MDGA2: variants seen among roughly 807,000 people sequenced by gnomAD.
MDGA2 encodes the protein MAM domain containing glycosylphosphatidylinositol anchor 2, also known as MAM domain-containing glycosylphosphatidylinositol anchor protein 2.
In MDGA2, 40 loss-of-function variants were observed where a neutral mutation model predicts 117.8. The ratio of observed to expected loss-of-function variants is 0.34; its 90% CI spans 0.26 to 0.44. MDGA2 has a LOEUF of 0.44. MDGA2 is among the 20% of genes least tolerant of loss of function. The pLI, the probability that MDGA2 is intolerant of heterozygous loss-of-function variation, is 1.00. For missense variants in MDGA2, 1,123 were observed against 1,250.6 expected (o/e 0.90, Z 1.54); for synonymous variants, 452 against 439.0 (o/e 1.03, Z -0.37).
At chr14:47,295,935 TAGA>T (rs573405631) in intron 2 of MDGA2, among the ~76,000 whole-genome samples, 1 of 55,438 alleles carries the variant, frequency 1.8e-5, no homozygotes, top group African/African-American at 6.1e-5. Flanking sequence ...GATGATAAGA[TAGA>T]TAGATAGATA....
At chr14:47,351,845 A>G (rs907707817) in intron 1 of MDGA2, among the ~76,000 whole-genome samples, 6 of 151,878 alleles carry the variant, frequency 4.0e-5, no homozygotes, top group South Asian at 2.1e-4. Context: ...AAGCCTCACT[A>G]TATCTTCAGC....
At chr14:47,293,732 A>G (rs934774798) in intron 2 of MDGA2, among the ~76,000 whole-genome samples, 2 of 152,198 alleles carry the variant, frequency 1.3e-5, no homozygotes, top group African/African-American at 4.8e-5. Flanking sequence ...AAAATTAAAC[A>G]AAAGATGAAT....
intron 3 of MDGA2, among the ~76,000 whole-genome samples, chr14:47,185,878 C>T (rs999196488): frequency 3.3e-5 from 5 of 151,272 alleles, no homozygotes; most frequent in African/African-American, 7.3e-5. Flanking sequence ...ATAAAAGATA[C>T]AAAAAACCCA....
At chr14:47,109,009 C>A (rs1880891984) in intron 5 of MDGA2, among the ~76,000 whole-genome samples, 2 of 152,162 alleles carry the variant, frequency 1.3e-5, no homozygotes, top group Admixed American at 6.5e-5. Flanking sequence ...CTTTACTGTT[C>A]TTTCCAACAG....
At chr14:47,172,316 G>A (rs911432360) in intron 3 of MDGA2, among the ~76,000 whole-genome samples, 1 of 152,132 alleles carries the variant, frequency 6.6e-6, no homozygotes, top group Admixed American at 6.6e-5. Flanking sequence ...GCACGCAGCT[G>A]GAGATCTCAG....
intron 1 of MDGA2, among the ~76,000 whole-genome samples, chr14:47,361,927 T>G (rs557131191): frequency 6.6e-6 from 1 of 152,316 alleles, no homozygotes; most frequent in East Asian, 1.9e-4. Flanking sequence ...ATCCTTCACT[T>G]TTATTTTGAT....
chr14:47,600,878 A>G (rs547764561), intron 1 of MDGA2, among the ~76,000 whole-genome samples: 38 of 152,312 alleles, frequency 2.5e-4, no homozygotes, highest in Admixed American at 2.1e-3. Context: ...CCATGATTTA[A>G]TGAGCAACTT....
chr14:47,358,382 T>C (rs1296453659), intron 1 of MDGA2, among the ~76,000 whole-genome samples: 1 of 152,210 alleles, frequency 6.6e-6, no homozygotes, highest in Admixed American at 6.5e-5. Context: ...CCTTTCTTGG[T>C]TGTGGTCATT....
chr14:47,564,081 C>T (rs1895871140), intron 1 of MDGA2, among the ~76,000 whole-genome samples: 1 of 151,938 alleles, frequency 6.6e-6, no homozygotes, highest in Non-Finnish European at 1.5e-5. Context: ...GAATATAGGC[C>T]CTCATCTCTT....
intron 7 of MDGA2, among the ~76,000 whole-genome samples, chr14:47,040,458 T>C (rs982501310): frequency 1.3e-5 from 2 of 152,202 alleles, no homozygotes; most frequent in African/African-American, 4.8e-5. Flanking sequence ...CCAAAACTCA[T>C]TCAATGAAAA....
At chr14:47,390,571 A>C (rs1453495830) in intron 1 of MDGA2, among the ~76,000 whole-genome samples, 1 of 152,218 alleles carries the variant, frequency 6.6e-6, no homozygotes, top group Non-Finnish European at 1.5e-5. Context: ...CTCTTACTTG[A>C]GAACTAGTTA....
chr14:47,384,800 G>C (rs950211304), intron 1 of MDGA2, among the ~76,000 whole-genome samples: 5 of 152,132 alleles, frequency 3.3e-5, no homozygotes, highest in African/African-American at 1.2e-4. Context: ...GAACAAATGA[G>C]GGTGTTAAGC....
intron 1 of MDGA2, among the ~76,000 whole-genome samples, chr14:47,548,138 C>T (rs1206728974): frequency 6.6e-6 from 1 of 152,100 alleles, no homozygotes; most frequent in Non-Finnish European, 1.5e-5. Flanking sequence ...CTTTTACCTG[C>T]GTTCTTTATT....
intron 1 of MDGA2, among the ~76,000 whole-genome samples, chr14:47,606,625 G>T (rs755186882): frequency 4.6e-5 from 7 of 152,074 alleles, no homozygotes; most frequent in Non-Finnish European, 8.8e-5. Context: ...TGTTTGCCTT[G>T]TGTCAGCAGA....
At position 46,882,101 on chromosome 14, in the gene MDGA2, T is replaced by A; in HGVS notation, c.2359A>T (p.Thr787Ser). 1 of 1,611,458 alleles carries A rather than the reference T, an allele frequency of 6.2e-7. No individual in the cohort carries two copies. The highest frequency in any genetic ancestry group is 8.5e-7 in the Non-Finnish European group (1 of 1,178,448). ...CCTTCACCAAATTTGGTGAGAGGAG[T>A]CAGTCGGACTTCATAAGCTTCTGGT... The part of the protein sequence containing the change: ...IKPEAYEVRL[T>S]PLTKFGEGDS... The change falls in exon 11 of 17, where the codon ACT becomes TCT. Residue 787 changes from threonine (T) to serine (S), a missense_variant. Around this residue, in one of 2 missense-constraint regions of MDGA2, gnomAD observed 890 missense variants for 1,050.3 expected, o/e 0.85. Transcript: ENST00000399232.
intron 2 of MDGA2, among the ~76,000 whole-genome samples, chr14:47,219,856 G>A (rs1886235852): frequency 6.6e-6 from 1 of 152,172 alleles, no homozygotes. Context: ...ATTACTAAAT[G>A]TTTATTAAAA....
At chr14:47,457,820 TTTTTG>T (rs1334729120) in intron 1 of MDGA2, among the ~76,000 whole-genome samples, 12 of 151,410 alleles carry the variant, frequency 7.9e-5, no homozygotes, top group African/African-American at 1.5e-4. Context: ...CTGTTTTTTT[TTTTTG>T]TTTGTTTATT....
intron 8 of MDGA2, among the ~76,000 whole-genome samples, chr14:47,016,784 A>G (rs1032784411): frequency 6.6e-6 from 1 of 152,062 alleles, no homozygotes; most frequent in African/African-American, 2.4e-5. Flanking sequence ...AAAAAATTAA[A>G]TGAAATTAAT....
rs538347604 is a variant in MDGA2 at position 47,415,674 on chromosome 14, T to C, written c.281-114124A>G. On this transcript the variant is annotated intron_variant, in intron 1 of 16. Transcript: ENST00000399232. ...ACCTTAACAGAATACACACAAGGTA[T>C]ATGACTAAATATCCAAAGATTGGGT... Among the ~76,000 whole-genome samples the C allele has an allele frequency of 2.2e-4, 33 of 152,300 alleles. No individual in the cohort carries two copies. The South Asian group carries it at 6.2e-3, about 29-fold the overall frequency.
Sources: gnomAD v4.1 joint callset for allele counts (sites outside exome capture counted in the v4.1 genomes callset) on GRCh38, gnomAD v4.1.1 for gene constraint, gnomAD v4.1.1 regional missense constraint, MANE v1.5 for transcripts, NCBI Gene and HGNC (gene_info 2026-07-23, HGNC 2026-07-21) for gene names.